CSGALNACT1: variants seen among roughly 807,000 people sequenced by gnomAD.
CSGALNACT1 encodes beta4GalNAcT-1.
CSGALNACT1 carries 52 observed loss-of-function variants against 51.0 expected under a neutral mutation model. That is an observed-to-expected ratio of 1.02 (90% CI 0.82 to 1.29). CSGALNACT1 has a LOEUF of 1.29. Among genes scored for constraint, CSGALNACT1 ranks in the 50% most tolerant of loss-of-function variants. CSGALNACT1 has a pLI of 0.00. For missense variants in CSGALNACT1, 935 were observed against 679.2 expected, an observed-to-expected ratio of 1.38 and a Z score of -4.19; for synonymous variants, 341 against 254.4, an observed-to-expected ratio of 1.34 and a Z score of -3.24.
intron 1 of CSGALNACT1, among the ~76,000 whole-genome samples, chr8:19,700,997 G>T (rs1295542947): frequency 6.6e-6 from 1 of 152,056 alleles, no homozygotes; most frequent in South Asian, 2.1e-4. Flanking sequence ...TTGCAGGAAG[G>T]AATGTAAAGA....
intron 1 of CSGALNACT1, among the ~76,000 whole-genome samples, chr8:19,674,064 G>T (rs1409431731): frequency 6.6e-6 from 1 of 152,220 alleles, no homozygotes. Flanking sequence ...AAGGCAGGCA[G>T]ATCACTTAAG....
intron 3 of CSGALNACT1, among the ~76,000 whole-genome samples, chr8:19,534,278 C>T (rs1289759510): frequency 2.0e-5 from 3 of 152,010 alleles, no homozygotes. Flanking sequence ...ACTGTGACAC[C>T]TCATCTCTAC....
Position 19,735,122 on chromosome 8 carries a change from C to CT in CSGALNACT1, c.-297+22727dup. On this transcript the variant is annotated intron_variant, in intron 1 of 1. Coordinates refer to the CSGALNACT1 transcript ENST00000517494. The stretch of plus-strand genomic sequence containing the variant: ...CTGAGAACCCCCAAAATGCAGCAGC[C>CT]TTAGGAGGTAAATTAGAAAAATATG... Among the ~76,000 whole-genome samples the CT allele has an allele frequency of 1.3e-5, 2 of 152,156 alleles. 1 individual carries two copies. Among genetic ancestry groups the CT allele is most frequent in the South Asian group, 4.2e-4 (2 of 4,816 alleles).
intron 4 of CSGALNACT1, among the ~76,000 whole-genome samples, chr8:19,459,567 A>C (rs1443481432): frequency 6.6e-6 from 1 of 152,070 alleles, no homozygotes; most frequent in Non-Finnish European, 1.5e-5. Flanking sequence ...GTATCAATAC[A>C]TGATATTTAG....
intron 1 of CSGALNACT1, among the ~76,000 whole-genome samples, chr8:19,669,810 G>A (rs929393521): frequency 1.3e-5 from 2 of 152,086 alleles, no homozygotes; most frequent in Non-Finnish European, 2.9e-5. Context: ...TTCTAATGTT[G>A]TGGCAACATT....
upstream of CSGALNACT1, among the ~76,000 whole-genome samples, chr8:19,604,637 G>C (rs1285547551): frequency 6.6e-6 from 1 of 151,676 alleles, no homozygotes; most frequent in Non-Finnish European, 1.5e-5. Flanking sequence ...GCCAGGTACG[G>C]TGGCTCATGC....
At chr8:19,483,747 A>G (rs1554612983) in intron 4 of CSGALNACT1, among the ~76,000 whole-genome samples, 1 of 152,194 alleles carries the variant, frequency 6.6e-6, no homozygotes, top group Non-Finnish European at 1.5e-5. Flanking sequence ...CAGCTGGGAA[A>G]CTCTCATTTC....
At chr8:19,667,016 AAAG>A (rs1564386344) in intron 1 of CSGALNACT1, among the ~76,000 whole-genome samples, 2,154 of 43,504 alleles carry the variant, frequency 0.05, 388 homozygotes, top group East Asian at 0.13. Flanking sequence ...AGAAAGAAAG[AAAG>A]GAAGGAAGGA....
intron 1 of CSGALNACT1, among the ~76,000 whole-genome samples, chr8:19,712,304 CG>C (rs2062558907): frequency 6.6e-6 from 1 of 152,074 alleles, no homozygotes; most frequent in Non-Finnish European, 1.5e-5. Context: ...GGATTACAGG[CG>C]TGAGCCACCG....
intron 6 of CSGALNACT1, among the ~76,000 whole-genome samples, chr8:19,425,353 A>G (rs1343947016): frequency 6.6e-6 from 1 of 152,110 alleles, no homozygotes; most frequent in Non-Finnish European, 1.5e-5. Flanking sequence ...AAACACAAAC[A>G]AACCAAAAAA....
intron 1 of CSGALNACT1, among the ~76,000 whole-genome samples, chr8:19,702,709 T>A (rs2061947258): frequency 6.6e-6 from 1 of 151,966 alleles, no homozygotes; most frequent in Non-Finnish European, 1.5e-5. Context: ...ACCCATCTTC[T>A]CCCATCCATC....
intron 1 of CSGALNACT1, among the ~76,000 whole-genome samples, chr8:19,749,527 A>C (rs1168684004): frequency 6.6e-6 from 1 of 152,124 alleles, no homozygotes; most frequent in African/African-American, 2.4e-5. Context: ...TGTAAAATCC[A>C]CTTTCCCTCC....
At chr8:19,727,459 TC>T (rs1287051562) in intron 1 of CSGALNACT1, among the ~76,000 whole-genome samples, 1 of 152,090 alleles carries the variant, frequency 6.6e-6, no homozygotes, top group East Asian at 1.9e-4. Context: ...AAGTCATCCT[TC>T]CAACTCAGCT....
chr8:19,443,998 A>G (rs898198802), intron 5 of CSGALNACT1, among the ~76,000 whole-genome samples: 3 of 152,174 alleles, frequency 2.0e-5, no homozygotes, highest in Non-Finnish European at 2.9e-5. Flanking sequence ...GCGGTTCACA[A>G]TAAGGTTCAC....
chr8:19,421,203 T>C (rs1452986098), intron 6 of CSGALNACT1, among the ~76,000 whole-genome samples: 1 of 152,136 alleles, frequency 6.6e-6, no homozygotes, highest in Non-Finnish European at 1.5e-5. Flanking sequence ...TCCTTCACTA[T>C]CCCACAGGGT....
chr8:19,423,925 G>T (rs953367187), intron 6 of CSGALNACT1, among the ~76,000 whole-genome samples: 4 of 152,146 alleles, frequency 2.6e-5, no homozygotes, highest in African/African-American at 7.2e-5. Context: ...CTCTGTCCAC[G>T]CACTGTTTCC....
chr8:19,463,507 G>T (rs2066001235), intron 4 of CSGALNACT1, among the ~76,000 whole-genome samples: 1 of 152,140 alleles, frequency 6.6e-6, no homozygotes, highest in African/African-American at 2.4e-5. Flanking sequence ...ACTTGGGCAT[G>T]GGGGGAGGGG....
chr8:19,680,922 C>A (rs568192807), intron 1 of CSGALNACT1, among the ~76,000 whole-genome samples: 139 of 152,192 alleles, frequency 9.1e-4, no homozygotes, highest in African/African-American at 3.2e-3. Flanking sequence ...TCTACATATG[C>A]CCCATTATCT....
chr8:19,601,952 T>A (rs1241056005), intron 1 of CSGALNACT1, 87 bp from the exon 2 acceptor site: 1 of 445,314 alleles, frequency 2.2e-6, no homozygotes, highest in African/African-American at 2.0e-5. Flanking sequence ...ACATTTTAAA[T>A]CACTTAGTAT....
Sources: gnomAD v4.1 joint callset for allele counts (sites outside exome capture counted in the v4.1 genomes callset) on GRCh38, gnomAD v4.1.1 for gene constraint, MANE v1.5 for transcripts, NCBI Gene and HGNC (gene_info 2026-07-23, HGNC 2026-07-21) for gene names.